The following SLC44A5 variants were observed in gnomAD, a reference collection of about 807,000 sequenced individuals.
SLC44A5 encodes choline transporter-like protein 5.
Under a neutral mutation model 101.8 loss-of-function variants are expected in SLC44A5, and 57 were observed. That is an observed-to-expected ratio of 0.56 (90% CI 0.45 to 0.70). SLC44A5 has a LOEUF of 0.70. Ranked by LOEUF, SLC44A5 falls within the 30% of genes least tolerant of loss-of-function variation. The pLI, the probability that SLC44A5 is intolerant of heterozygous loss-of-function variation, is 0.00. For missense variants in SLC44A5, 737 were observed against 853.1 expected, an observed-to-expected ratio of 0.86 and a Z score of 1.70; for synonymous variants, 281 against 290.9, an observed-to-expected ratio of 0.97 and a Z score of 0.35.
At chr1:75,703,202 C>T in the SLC44A5 span, among the ~76,000 whole-genome samples, 1 of 151,464 alleles carries the variant, frequency 6.6e-6, no homozygotes, top group Non-Finnish European at 1.5e-5. Context: ...TATGAAGACA[C>T]ATGCACACAT....
At chr1:75,677,681 A>G in the SLC44A5 span, 1 of 417,420 alleles carries the variant, frequency 2.4e-6, no homozygotes, top group Non-Finnish European at 4.7e-6. Context: ...AAAAACGTAG[A>G]GTAACTAAAT....
intron 2 of SLC44A5, among the ~76,000 whole-genome samples, chr1:75,463,198 G>T (rs1316112131): frequency 6.6e-6 from 1 of 152,112 alleles, no homozygotes; most frequent in Admixed American, 6.5e-5. Flanking sequence ...GAGGCAGGCG[G>T]ATCACAAGGT....
chr1:75,261,817 A>G (rs1375954871), intron 6 of SLC44A5, among the ~76,000 whole-genome samples: 1 of 152,102 alleles, frequency 6.6e-6, no homozygotes, highest in Admixed American at 6.6e-5. Context: ...CTTATCCACC[A>G]CGAGCAAGTC....
At chr1:75,518,318 T>C (rs1159382192) in intron 2 of SLC44A5, among the ~76,000 whole-genome samples, 1 of 152,252 alleles carries the variant, frequency 6.6e-6, no homozygotes, top group African/African-American at 2.4e-5. Flanking sequence ...CAGTTCCAAT[T>C]ATTTATAATA....
At chr1:75,620,958 T>A in the SLC44A5 span, among the ~76,000 whole-genome samples, 1 of 152,208 alleles carries the variant, frequency 6.6e-6, no homozygotes, top group Non-Finnish European at 1.5e-5. Context: ...AGGGTTTTCA[T>A]GGTTTTAGGT....
intron 1 of SLC44A5, among the ~76,000 whole-genome samples, chr1:75,604,410 C>T (rs551816059): frequency 6.6e-6 from 1 of 152,256 alleles, no homozygotes; most frequent in South Asian, 2.1e-4. Flanking sequence ...GTTTTGCTTA[C>T]TGTAGCCTTA....
In SLC44A5 at chr1:75,465,525, A is replaced by G. The variant is rs146344359; in HGVS notation, c.14-68904T>C. On this transcript the variant is annotated intron_variant, in intron 2 of 23. Transcript: ENST00000370859. The stretch of plus-strand genomic sequence containing the variant: ...CCAAAATTAGTAGACGAAAAGAAAT[A>G]ATAAAAATCAGAGCAGAAATAAAGG... Among the ~76,000 whole-genome samples the G allele has an allele frequency of 7.4e-3, 1,131 of 152,222 alleles. 8 individuals are homozygous for G. The highest frequency in any genetic ancestry group is 9.5e-3 in the Non-Finnish European group (648 of 67,988).
intron 9 of SLC44A5, 32 bp from the exon 10 acceptor site, chr1:75,238,668 CT>C: frequency 7.0e-7 from 1 of 1,418,884 alleles, no homozygotes. Context: ...ATTGTAATCA[CT>C]TTTCTATTTC....
At chr1:75,318,148 G>T (rs188632646) in intron 4 of SLC44A5, among the ~76,000 whole-genome samples, 1 of 152,074 alleles carries the variant, frequency 6.6e-6, no homozygotes, top group Non-Finnish European at 1.5e-5. Flanking sequence ...AGGCCAAGGT[G>T]GGAGGATCAC....
At chr1:75,713,356 T>C in the SLC44A5 span, among the ~76,000 whole-genome samples, 7 of 152,216 alleles carry the variant, frequency 4.6e-5, no homozygotes, top group Non-Finnish European at 7.3e-5. Context: ...TCTACCAATC[T>C]ATGGGCATCT....
At chr1:75,636,098 C>T in the SLC44A5 span, among the ~76,000 whole-genome samples, 1 of 152,040 alleles carries the variant, frequency 6.6e-6, no homozygotes. Context: ...GTCTCCTTTG[C>T]CTATCATTTC....
intron 1 of SLC44A5, among the ~76,000 whole-genome samples, chr1:75,571,453 AT>A (rs950323723): frequency 6.6e-6 from 1 of 152,096 alleles, no homozygotes; most frequent in Non-Finnish European, 1.5e-5. Flanking sequence ...GGTCAACTTA[AT>A]TTTTTTACTT....
At chr1:75,645,797 AT>A in the SLC44A5 span, among the ~76,000 whole-genome samples, 3 of 135,908 alleles carry the variant, frequency 2.2e-5, no homozygotes, top group African/African-American at 7.4e-5. Context: ...TCCATCTTGA[AT>A]TCATTTTTGT....
At chr1:75,659,066 T>A in the SLC44A5 span, among the ~76,000 whole-genome samples, 1 of 151,818 alleles carries the variant, frequency 6.6e-6, no homozygotes, top group Non-Finnish European at 1.5e-5. Flanking sequence ...CCTAACAAGA[T>A]TAAATCATGA....
Position 75,321,471 on chromosome 1 carries a change from A to G in SLC44A5, c.101+18111T>C, listed in dbSNP as rs567592626. On this transcript the variant is annotated intron_variant, in intron 4 of 23. Coordinates refer to ENST00000370859, the MANE Select transcript of SLC44A5 (RefSeq NM_001130058.2). ...ATGGCAGAGAGAGAGAGAGAGAGAGAGAGAGAGAGATCATCCCTATTGTCT... is the reference window on the plus strand; with the variant it reads ...ATGGCAGAGAGAGAGAGAGAGAGAGGGAGAGAGAGATCATCCCTATTGTCT... Among the ~76,000 whole-genome samples, 6 of 150,160 alleles carry G rather than the reference A, an allele frequency of 4.0e-5. No homozygotes were observed. In the South Asian group the frequency reaches 1.2e-3, roughly 31 times the overall value.
chr1:75,218,825 C>G, intron 16 of SLC44A5, 73 bp from the exon 17 acceptor site: 1 of 1,421,092 alleles, frequency 7.0e-7, no homozygotes, highest in African/African-American at 1.4e-5. Context: ...CTGTGTTTTC[C>G]TCTTCCCCTT....
chr1:75,317,223 A>G (rs1655760645), intron 4 of SLC44A5, among the ~76,000 whole-genome samples: 1 of 152,226 alleles, frequency 6.6e-6, no homozygotes, highest in Admixed American at 6.5e-5. Flanking sequence ...CAAGAGGTGC[A>G]AGATCACAGC....
chr1:75,685,245 G>T, the SLC44A5 span, among the ~76,000 whole-genome samples: 5 of 152,110 alleles, frequency 3.3e-5, no homozygotes, highest in African/African-American at 1.2e-4. Flanking sequence ...TCCTGACTTG[G>T]GATAAGAGGG....
chr1:75,497,769 T>A (rs1455519174), intron 2 of SLC44A5, among the ~76,000 whole-genome samples: 1 of 152,134 alleles, frequency 6.6e-6, no homozygotes, highest in East Asian at 1.9e-4. Flanking sequence ...TATATACATT[T>A]CAATTTAAAA....
Sources: allele counts gnomAD v4.1 joint callset (sites outside exome capture counted in the v4.1 genomes callset), GRCh38; gene constraint gnomAD v4.1.1; transcripts MANE v1.5; gene names NCBI Gene and HGNC (gene_info 2026-07-23, HGNC 2026-07-21).